Variants in RBFOX1 observed in about 807,000 individuals in gnomAD.
RBFOX1 encodes the protein RNA binding fox-1 homolog 1, also known as RNA binding protein fox-1 homolog 1.
Under a neutral mutation model 57.7 loss-of-function variants are expected in RBFOX1, and 8 were observed. That is an observed-to-expected ratio of 0.14 (90% CI 0.08 to 0.25). The LOEUF (loss-of-function observed/expected upper bound fraction) is 0.25. RBFOX1 is among the 10% of genes least tolerant of loss of function. RBFOX1 has a pLI of 1.00. For missense variants in RBFOX1, 611 were observed against 548.5 expected (o/e 1.11, Z -1.14); for synonymous variants, 326 against 222.4 (o/e 1.47, Z -4.15).
At chr16:5,956,662 A>ATT (rs1317288910) in intron 4 of RBFOX1, among the ~76,000 whole-genome samples, 16 of 46,610 alleles carry the variant, frequency 3.4e-4, no homozygotes, top group African/African-American at 1.6e-3. Flanking sequence ...ATATATTTAT[A>ATT]TATATATATA....
At chr16:7,630,344 C>A (rs1045802851) in intron 10 of RBFOX1, among the ~76,000 whole-genome samples, 1 of 151,182 alleles carries the variant, frequency 6.6e-6, no homozygotes, top group African/African-American at 2.4e-5. Context: ...AACCTGGGCC[C>A]TGGGGCAACC....
At chr16:6,797,179 G>A (rs11645490) in intron 3 of RBFOX1, among the ~76,000 whole-genome samples, 10 of 152,240 alleles carry the variant, frequency 6.6e-5, no homozygotes, top group African/African-American at 2.4e-4. Context: ...TGTTAGCAAG[G>A]ATCAGTCTGA....
At chr16:7,200,012 A>C (rs1364995774) in intron 4 of RBFOX1, among the ~76,000 whole-genome samples, 1 of 152,270 alleles carries the variant, frequency 6.6e-6, no homozygotes, top group Non-Finnish European at 1.5e-5. Context: ...GAATGTGGAT[A>C]GTCACAATCA....
At chr16:5,594,067 G>A (rs886528563) in intron 2 of RBFOX1, among the ~76,000 whole-genome samples, 1 of 151,922 alleles carries the variant, frequency 6.6e-6, no homozygotes, top group African/African-American at 2.4e-5. Context: ...CACAATGTTG[G>A]TCCACGTAGG....
chr16:6,778,847 A>G lies in RBFOX1; in HGVS notation c.-16+124197A>G, dbSNP rs150310275. On this transcript the variant is annotated intron_variant, in intron 3 of 15. Transcript: ENST00000550418. ...ATCAAAACAATTTAATTGAATACACATACACCACACACTCTAGTTTTTTTT... is the reference window on the plus strand; with the variant it reads ...ATCAAAACAATTTAATTGAATACACGTACACCACACACTCTAGTTTTTTTT... 4.2e-3 allele frequency among the ~76,000 whole-genome samples: 631 copies of G among 151,194 alleles called. 4 individuals are homozygous for G. The highest frequency in any genetic ancestry group is 0.015 in the African/African-American group (613 of 41,088).
chr16:7,022,229 C>T (rs927876905), intron 3 of RBFOX1, among the ~76,000 whole-genome samples: 1 of 150,308 alleles, frequency 6.7e-6, no homozygotes, highest in Non-Finnish European at 1.5e-5. Context: ...TTTTTGTATT[C>T]TTTGGTAGAG....
chr16:5,765,670 G>C (rs1296913477), intron 3 of RBFOX1, among the ~76,000 whole-genome samples: 1 of 152,198 alleles, frequency 6.6e-6, no homozygotes, highest in Non-Finnish European at 1.5e-5. Context: ...AACCGAAAAT[G>C]GCAGGGTATG....
At chr16:7,141,535 GT>G (rs2073788079) in intron 4 of RBFOX1, among the ~76,000 whole-genome samples, 1 of 152,154 alleles carries the variant, frequency 6.6e-6, no homozygotes, top group Non-Finnish European at 1.5e-5. Flanking sequence ...AAGGATCATT[GT>G]TATTTTATTT....
Position 6,313,297 on chromosome 16 carries a change from T to C in RBFOX1, c.-126-3698T>C, listed in dbSNP as rs367866131. 1.9e-4 allele frequency among the ~76,000 whole-genome samples: 29 copies of C among 152,330 alleles called. 1 individual carries two copies. Among genetic ancestry groups the C allele is most frequent in the African/African-American group, 6.7e-4 (28 of 41,566 alleles). On this transcript the variant is annotated intron_variant, in intron 1 of 15. Transcript: ENST00000550418. The stretch of plus-strand genomic sequence containing the variant: ...GGAATGAAATGGGAAGCCAGCAATG[T>C]AGGATTTAAACAATCAAGTAACACA...
chr16:6,695,660 C>A (rs1350455063), intron 3 of RBFOX1, among the ~76,000 whole-genome samples: 2 of 152,178 alleles, frequency 1.3e-5, no homozygotes, highest in East Asian at 3.9e-4. Context: ...ATCATAGTGT[C>A]CGGCCTATTG....
chr16:7,413,614 G>T (rs893179491), intron 4 of RBFOX1, among the ~76,000 whole-genome samples: 1 of 151,930 alleles, frequency 6.6e-6, no homozygotes, highest in Non-Finnish European at 1.5e-5. Context: ...CTGCCCCTTT[G>T]CTTGTCCTCT....
chr16:5,514,037 T>G (rs905066001), intron 2 of RBFOX1, among the ~76,000 whole-genome samples: 3 of 152,224 alleles, frequency 2.0e-5, no homozygotes, highest in African/African-American at 7.2e-5. Flanking sequence ...TAGTATGTAT[T>G]TAATGGACTG....
At position 7,333,737 on chromosome 16, in the gene RBFOX1, G is replaced by C. The variant is rs1487312911; in HGVS notation, c.28-184410G>C. On this transcript the variant is annotated intron_variant, in intron 4 of 15. Coordinates refer to ENST00000550418, the MANE Select transcript of RBFOX1 (RefSeq NM_018723.4). ...GAAGTCTTTTAATTCTGTGCAGAGAGGATTAATCTACCAATAAACAATTGG... is the reference window on the plus strand; with the variant it reads ...GAAGTCTTTTAATTCTGTGCAGAGACGATTAATCTACCAATAAACAATTGG... Among the ~76,000 whole-genome samples the C allele has an allele frequency of 2.7e-5, 4 of 150,758 alleles. No homozygotes were observed. The South Asian group carries it at 8.4e-4, about 31-fold the overall frequency.
chr16:7,556,021 G>A (rs2088334124), intron 5 of RBFOX1, among the ~76,000 whole-genome samples: 1 of 152,122 alleles, frequency 6.6e-6, no homozygotes, highest in Admixed American at 6.5e-5. Context: ...AGTGCTTAAT[G>A]GATATTAGTT....
At chr16:5,616,198 T>C (rs573416526) in intron 3 of RBFOX1, 2 of 152,492 alleles carry the variant, frequency 1.3e-5, no homozygotes, top group African/African-American at 4.8e-5. Context: ...GGCTTAACGG[T>C]CCATCTGTGA....
At chr16:6,817,040 G>A (rs1567381660) in intron 3 of RBFOX1, among the ~76,000 whole-genome samples, 1 of 152,116 alleles carries the variant, frequency 6.6e-6, no homozygotes, top group Non-Finnish European at 1.5e-5. Flanking sequence ...GAGTCACCAT[G>A]CTCAGCCTCT....
chr16:7,139,293 A>G (rs144800970), intron 4 of RBFOX1, among the ~76,000 whole-genome samples: 1 of 152,154 alleles, frequency 6.6e-6, no homozygotes, highest in Non-Finnish European at 1.5e-5. Context: ...CCCATGCAGA[A>G]CATCCAACAT....
intron 12 of RBFOX1, among the ~76,000 whole-genome samples, chr16:7,659,271 C>A (rs1476171926): frequency 6.6e-6 from 1 of 152,154 alleles, no homozygotes; most frequent in East Asian, 1.9e-4. Context: ...CAAATAGATC[C>A]TTTGGAAATG....
intron 1 of RBFOX1, among the ~76,000 whole-genome samples, chr16:5,254,605 T>A (rs975320378): frequency 2.6e-5 from 4 of 152,242 alleles, no homozygotes; most frequent in Non-Finnish European, 5.9e-5. Flanking sequence ...TCAGTTTCTT[T>A]TCTCTGTTCG....
Sources: gnomAD v4.1 joint callset for allele counts (sites outside exome capture counted in the v4.1 genomes callset) on GRCh38, gnomAD v4.1.1 for gene constraint, MANE v1.5 for transcripts, NCBI Gene and HGNC (gene_info 2026-07-23, HGNC 2026-07-21) for gene names.